Variants in TYRO3 observed in about 807,000 individuals in gnomAD.
The protein encoded by TYRO3 is TYRO3 protein tyrosine kinase.
A neutral mutation model predicts 95.2 loss-of-function variants in TYRO3; 38 were observed. That is an observed-to-expected ratio of 0.40 (90% CI 0.31 to 0.52). The LOEUF is 0.52. TYRO3 is among the 20% of genes least tolerant of loss of function. The pLI is 0.56. For missense variants in TYRO3, 812 were observed against 1,116.4 expected, an observed-to-expected ratio of 0.73 and a Z score of 3.89; for synonymous variants, 367 against 432.9, an observed-to-expected ratio of 0.85 and a Z score of 1.89.
At chr15:41,577,018 G>A (rs1285588564) in intron 18 of TYRO3, among the ~76,000 whole-genome samples, 2 of 151,986 alleles carry the variant, frequency 1.3e-5, no homozygotes, top group Admixed American at 6.6e-5. Context: ...GAGGGACTTC[G>A]GAGTCAACCC....
Position 41,577,874 on chromosome 15 carries a change from T to C in TYRO3, c.2283-12T>C, listed in dbSNP as rs138872387. The C allele has an allele frequency of 1.8e-4, 283 of 1,605,222 alleles. 2 individuals are homozygous for C. In the African/African-American group the frequency reaches 3.6e-3, roughly 20 times the overall value. On this transcript the variant is annotated splice_polypyrimidine_tract_variant and intron_variant, in intron 18 of 18. Coordinates refer to ENST00000263798, the MANE Select transcript of TYRO3 (RefSeq NM_006293.4). ...GGGCTCCTGCCTTTTCTCACGCTTC[T>C]CTCCACCCCAGGTATGATCTCATGT...
At chr15:41,577,841 T>C (rs768413783) in intron 18 of TYRO3, 45 bp from the exon 19 acceptor site, 2 of 1,569,344 alleles carry the variant, frequency 1.3e-6, no homozygotes, top group East Asian at 4.5e-5. Context: ...CCCCTGCTTT[T>C]GAGGGAAGGG....
chr15:41,561,424 T>A, intron 2 of TYRO3, 114 bp downstream of exon 2: 1 of 1,487,064 alleles, frequency 6.7e-7, no homozygotes, highest in Non-Finnish European at 9.1e-7. Context: ...GTGGTTTTTT[T>A]ATTTGGCTAC....
At position 41,581,885 on chromosome 15, in the gene TYRO3, G is replaced by A. The variant is rs1394313794; in HGVS notation, c.*3609G>A. Reference sequence around the variant, plus strand: ...GGTGGCTCACGCCTATAATCCCAGCGCTTTGGGATTTTCTGTCTCAAAAAA... The same window carrying A: ...GGTGGCTCACGCCTATAATCCCAGCACTTTGGGATTTTCTGTCTCAAAAAA... On this transcript the variant is annotated 3_prime_UTR_variant, in exon 19 of 19. Coordinates refer to ENST00000263798, the MANE Select transcript of TYRO3 (RefSeq NM_006293.4). 3.0e-5 allele frequency: 4 copies of A among 134,454 alleles called. No homozygotes were observed. Among genetic ancestry groups the A allele is most frequent in the African/African-American group, 1.1e-4 (4 of 35,832 alleles). 8.3% of individuals were successfully genotyped at this position (134,454 alleles called of 1,614,324 possible). A position where few individuals can be genotyped will look rare whatever the true frequency, so the allele number is the denominator to read the frequency against.
At position 41,561,128 on chromosome 15, in the gene TYRO3, T is replaced by G; in HGVS notation, c.126T>G (p.Gly42=). ...CACATGTTCCTTCCCACCCCTCAGG[T>G]CTGAAGCTCATGGGAGCCCCGGTGA... ...SLLLPESAAA[G]LKLMGAPVKL... The change falls in exon 2 of 19, where the codon GGT becomes GGG. Residue 42 remains glycine (G), a splice_region_variant and synonymous_variant. Coordinates refer to ENST00000263798, the MANE Select transcript of TYRO3 (RefSeq NM_006293.4). The G allele has an allele frequency of 6.2e-7, 1 of 1,614,026 alleles. No homozygotes were observed. Among genetic ancestry groups the G allele is most frequent in the Non-Finnish European group, 8.5e-7 (1 of 1,179,956 alleles).
intron 18 of TYRO3, among the ~76,000 whole-genome samples, chr15:41,577,131 T>C (rs1262556327): frequency 1.3e-5 from 2 of 152,110 alleles, no homozygotes; most frequent in Non-Finnish European, 2.9e-5. Context: ...GTGGAAATGA[T>C]TTCTATTTGA....
chr15:41,563,320 T>G (rs940075906), intron 4 of TYRO3, among the ~76,000 whole-genome samples: 1 of 152,202 alleles, frequency 6.6e-6, no homozygotes, highest in African/African-American at 2.4e-5. Context: ...CACATGCTTG[T>G]AAGGCTTGCT....
chr15:41,562,331 CAAAAAAA>C (rs11363130), intron 3 of TYRO3: 1,920 of 174,228 alleles, frequency 0.011, 9 homozygotes, highest in South Asian at 0.041. Flanking sequence ...CGACCAATCT[CAAAAAAA>C]AAAAAAAAAA....
At chr15:41,567,267 A>T in intron 6 of TYRO3, 93 bp from the exon 7 acceptor site, 1 of 1,113,112 alleles carries the variant, frequency 9.0e-7, no homozygotes, top group East Asian at 2.8e-5. Context: ...CTGATAGAGG[A>T]AGCATTCATT....
In TYRO3 at chr15:41,573,091, C is replaced by G. The variant is rs568937682; in HGVS notation, c.1965C>G (p.Asp655Glu). The G allele has an allele frequency of 1.2e-6, 2 of 1,613,976 alleles. No individual in the cohort carries two copies. The highest frequency in any genetic ancestry group is 1.7e-6 in the Non-Finnish European group (2 of 1,180,022). Residue 655 changes from aspartate (D) to glutamate (E), a missense_variant, in exon 16 of 19, where the codon GAC (aspartate) becomes GAG (glutamate). Physicochemically the swap from Asp to Glu is conservative, Grantham distance 45. Transcript: ENST00000263798. ...YLSSRNFIHR[D>E]LAARNCMLAE... ...GCTCTCGGAACTTCATCCACCGAGA[C>G]CTGGCTGCTCGGAATTGCATGTACG...
At chr15:41,571,171 G>T in intron 13 of TYRO3, 53 bp downstream of exon 13, 2 of 1,552,024 alleles carry the variant, frequency 1.3e-6, no homozygotes, top group South Asian at 1.1e-5. Flanking sequence ...GGTAAGAGGG[G>T]CGACTGACCC....
At chr15:41,562,522 C>T in intron 3 of TYRO3, 26 bp from the exon 4 acceptor site, 1 of 1,609,778 alleles carries the variant, frequency 6.2e-7, no homozygotes, top group African/African-American at 1.3e-5. Context: ...TGGCAGGGCT[C>T]ACTCCTCACT....
intron 8 of TYRO3, among the ~76,000 whole-genome samples, chr15:41,568,642 C>G (rs1472329242): frequency 6.6e-6 from 1 of 152,098 alleles, no homozygotes; most frequent in Non-Finnish European, 1.5e-5. Context: ...CAGCTCAGTT[C>G]GCTCCCATCC....
chr15:41,571,519 C>A (rs2055795109), intron 13 of TYRO3, 76 bp from the exon 14 acceptor site: 2 of 1,022,254 alleles, frequency 2.0e-6, no homozygotes, highest in Non-Finnish European at 3.1e-6. Context: ...ATCTGAAGGA[C>A]AAGACCTAGG....
chr15:41,567,650 C>G, intron 7 of TYRO3, 113 bp downstream of exon 7: 1 of 976,596 alleles, frequency 1.0e-6, no homozygotes. Context: ...CATCATTCGG[C>G]AAACATTTAC....
intron 4 of TYRO3, among the ~76,000 whole-genome samples, chr15:41,562,927 G>C (rs1182815741): frequency 6.6e-6 from 1 of 152,214 alleles, no homozygotes; most frequent in Non-Finnish European, 1.5e-5. Flanking sequence ...CCTGCTGTGT[G>C]TGCTTAAGGA....
chr15:41,569,689 C>T (rs2055770011), intron 9 of TYRO3, among the ~76,000 whole-genome samples: 1 of 152,208 alleles, frequency 6.6e-6, no homozygotes, highest in Non-Finnish European at 1.5e-5. Context: ...ATTGCTTGAG[C>T]CCAGGAGGTT....
At chr15:41,560,131 C>A (rs938075735) in intron 1 of TYRO3, among the ~76,000 whole-genome samples, 1 of 152,182 alleles carries the variant, frequency 6.6e-6, no homozygotes, top group African/African-American at 2.4e-5. Context: ...AGCCACAGGC[C>A]AGGACAGCGG....
chr15:41,564,839 A>G, intron 5 of TYRO3, 187 bp from the exon 6 acceptor site: 2 of 586,154 alleles, frequency 3.4e-6, no homozygotes, highest in Non-Finnish European at 6.2e-6. Flanking sequence ...GCACTCTCCC[A>G]GGTGTGAGCA....
Sources: allele counts gnomAD v4.1 joint callset (sites outside exome capture counted in the v4.1 genomes callset), GRCh38; gene constraint gnomAD v4.1.1; transcripts MANE v1.5; gene names NCBI Gene and HGNC (gene_info 2026-07-23, HGNC 2026-07-21).